NEDD4L: variants seen among roughly 807,000 people sequenced by gnomAD.
The protein encoded by NEDD4L is NEDD4 like E3 ubiquitin protein ligase.
NEDD4L carries 54 observed loss-of-function variants against 148.9 expected under a neutral mutation model. That is an observed-to-expected ratio of 0.36 (90% CI 0.29 to 0.45). The LOEUF (loss-of-function observed/expected upper bound fraction) is 0.45. Ranked by LOEUF, NEDD4L falls within the 20% of genes least tolerant of loss-of-function variation. The pLI, the probability that NEDD4L is intolerant of heterozygous loss-of-function variation, is 1.00. For missense variants in NEDD4L, 856 were observed against 1,233.8 expected (o/e 0.69, Z 4.59); for synonymous variants, 433 against 440.7 (o/e 0.98, Z 0.22).
At chr18:58,335,075 G>C (rs535959180) in intron 12 of NEDD4L, among the ~76,000 whole-genome samples, 1 of 152,120 alleles carries the variant, frequency 6.6e-6, no homozygotes, top group Non-Finnish European at 1.5e-5. Context: ...CTGGAAACTG[G>C]TGATTCCTCC....
At chr18:58,148,653 G>A (rs1042449171) in intron 1 of NEDD4L, among the ~76,000 whole-genome samples, 6 of 152,142 alleles carry the variant, frequency 3.9e-5, no homozygotes, top group African/African-American at 7.2e-5. Context: ...GAAGGATGCC[G>A]GTCATATTGG....
At position 58,374,048 on chromosome 18, in the gene NEDD4L, G is replaced by A. The variant is rs146644899; in HGVS notation, c.2352+779G>A. 3.8e-3 allele frequency among the ~76,000 whole-genome samples: 585 copies of A among 152,216 alleles called. 3 individuals are homozygous for A. The highest frequency in any genetic ancestry group is 8.3e-3 in the South Asian group (40 of 4,822). ...CCCATCCTTCAGACTAAATCTCCAC[G>A]GCTATGAAATTAATTAGACCATAGA... is the stretch of plus-strand genomic sequence containing the variant. On this transcript the variant is annotated intron_variant, in intron 24 of 30. Transcript: ENST00000400345.
chr18:58,314,244 C>T (rs903200291), intron 5 of NEDD4L, among the ~76,000 whole-genome samples: 1 of 152,008 alleles, frequency 6.6e-6, no homozygotes, highest in African/African-American at 2.4e-5. Context: ...TGGTGAAACC[C>T]CATCTCTGCT....
chr18:58,112,710 G>A (rs903068558), intron 1 of NEDD4L, among the ~76,000 whole-genome samples: 1 of 151,846 alleles, frequency 6.6e-6, no homozygotes, highest in African/African-American at 2.4e-5. Context: ...GGCTCATCTC[G>A]AGCTCCTGAG....
At chr18:58,068,508 G>A (rs1264399597) in intron 1 of NEDD4L, among the ~76,000 whole-genome samples, 1 of 152,116 alleles carries the variant, frequency 6.6e-6, no homozygotes, top group Non-Finnish European at 1.5e-5. Context: ...CGAACTCCTA[G>A]AATTCTTAAA....
intron 1 of NEDD4L, among the ~76,000 whole-genome samples, chr18:58,107,867 A>G (rs1376604155): frequency 1.3e-5 from 2 of 152,012 alleles, no homozygotes. Context: ...TACGCATGCC[A>G]CTATGCCCAG....
At chr18:58,262,497 C>A (rs1043079297) in intron 5 of NEDD4L, among the ~76,000 whole-genome samples, 1 of 152,042 alleles carries the variant, frequency 6.6e-6, no homozygotes, top group African/African-American at 2.4e-5. Context: ...GGCGTGGTGG[C>A]CTCTGTCTGT....
rs112604095 is a variant in NEDD4L at position 58,383,169 on chromosome 18, G to A, written c.2353-77G>A. 1.8e-3 allele frequency: 1,432 copies of A among 779,478 alleles called. 17 individuals are homozygous for A. The African/African-American group carries it at 0.023, about 12-fold the overall frequency. The allele number at this position is 779,478 out of a possible 1,614,324, so 48.3% of individuals were successfully genotyped here. A position where few individuals can be genotyped will look rare whatever the true frequency, so the allele number is the denominator to read the frequency against. On this transcript the variant is annotated intron_variant, in intron 24 of 30. Coordinates refer to ENST00000400345, the MANE Select transcript of NEDD4L (RefSeq NM_001144967.3). The stretch of plus-strand genomic sequence containing the variant: ...GAATACATGTTGTCTTCCCTTTATA[G>A]TAAGACATTGTCACTCAATAATAAT...
At chr18:58,252,124 A>C (rs949521336) in intron 5 of NEDD4L, 70 bp downstream of exon 5, 24 of 986,242 alleles carry the variant, frequency 2.4e-5, no homozygotes, top group Admixed American at 8.6e-5. Flanking sequence ...CAGCGTCTTT[A>C]AAACTCTGTG....
intron 2 of NEDD4L, chr18:58,195,422 CG>C: frequency 7.7e-7 from 1 of 1,300,112 alleles, no homozygotes; most frequent in South Asian, 1.2e-5. Flanking sequence ...AATTTGCTCC[CG>C]ATTCGAGAGA....
intron 24 of NEDD4L, among the ~76,000 whole-genome samples, chr18:58,382,595 T>A (rs1402918877): frequency 6.6e-6 from 1 of 152,142 alleles, no homozygotes; most frequent in African/African-American, 2.4e-5. Flanking sequence ...TATGTGGCCT[T>A]ATGGTAAGCT....
At position 58,256,025 on chromosome 18, in the gene NEDD4L, T is replaced by G; in HGVS notation, c.297+3971T>G. On this transcript the variant is annotated intron_variant, in intron 5 of 30. Transcript: ENST00000400345. This position sits in a 1 kb window ranked among gnomAD's most constrained non-coding sequence, Gnocchi z 5.2. Reference sequence around the variant, plus strand: ...AACGCCCGACCCCAGGGACCAGGCCTCCGCCACTGCCACCACGAGGGCCTC... The same window carrying G: ...AACGCCCGACCCCAGGGACCAGGCCGCCGCCACTGCCACCACGAGGGCCTC... 8.1e-7 allele frequency: 1 copy of G among 1,229,894 alleles called. No individual in the cohort carries two copies. The highest frequency in any genetic ancestry group is 1.0e-6 in the Non-Finnish European group (1 of 986,854). 76.2% of individuals were successfully genotyped at this position (1,229,894 alleles called of 1,614,324 possible).
chr18:58,384,261 G>A (rs2048719373), intron 25 of NEDD4L, among the ~76,000 whole-genome samples: 1 of 152,216 alleles, frequency 6.6e-6, no homozygotes, highest in Admixed American at 6.5e-5. Context: ...GAGCGTGTTA[G>A]AGTCTCTACT....
In NEDD4L at chr18:58,256,128, G is replaced by A. The variant is rs1568488468; in HGVS notation, c.297+4074G>A. On this transcript the variant is annotated intron_variant, in intron 5 of 30. Transcript: ENST00000400345. This position sits in a 1 kb window ranked among gnomAD's most constrained non-coding sequence, Gnocchi z 5.2. The stretch of plus-strand genomic sequence containing the variant: ...CCTCCGAGGGCAGCCCGGGACCCAG[G>A]GCTCCAGGTCAACGGCACGTGCGGC... 6.5e-6 allele frequency: 8 copies of A among 1,225,640 alleles called. No individual in the cohort carries two copies. The African/African-American group carries it at 9.4e-5, about 14-fold the overall frequency. 75.9% of individuals were successfully genotyped at this position (1,225,640 alleles called of 1,614,324 possible). A position where few individuals can be genotyped will look rare whatever the true frequency, so the allele number is the denominator to read the frequency against.
intron 13 of NEDD4L, among the ~76,000 whole-genome samples, chr18:58,337,138 G>A (rs539829646): frequency 1.3e-5 from 2 of 152,206 alleles, no homozygotes; most frequent in Admixed American, 6.5e-5. Flanking sequence ...CGGGTGGCAC[G>A]TTAGACTGCC....
rs1253829474 is a variant in NEDD4L at position 58,330,922 on chromosome 18, GT to G, written c.990+9del. The G allele has an allele frequency of 1.9e-6, 3 of 1,611,672 alleles. No individual in the cohort carries two copies. In the African/African-American group the frequency reaches 4.0e-5, roughly 22 times the overall value. On this transcript the variant is annotated intron_variant, in intron 11 of 30. Transcript: ENST00000400345. ...CAGTTCAGCTCTTTGATTGTAAGTA[GT>G]GGCCTTGTTTGAAAGAAAAGCTGAG...
chr18:58,260,182 A>C (rs932792519), intron 5 of NEDD4L, among the ~76,000 whole-genome samples: 1 of 152,224 alleles, frequency 6.6e-6, no homozygotes, highest in African/African-American at 2.4e-5. Context: ...AAAAAATAAA[A>C]ATAAAACTTA....
At chr18:58,335,383 C>G (rs1291202054) in intron 12 of NEDD4L, 95 bp from the exon 13 acceptor site, 1 of 1,004,460 alleles carries the variant, frequency 1.0e-6, no homozygotes, top group Non-Finnish European at 1.6e-6. Context: ...CTCACGTCAC[C>G]TGCCTTACAG....
chr18:58,107,126 A>G (rs141179451), intron 1 of NEDD4L, among the ~76,000 whole-genome samples: 68 of 152,144 alleles, frequency 4.5e-4, no homozygotes, highest in African/African-American at 1.6e-3. Context: ...CTGTGTCCAA[A>G]TTTCCTTTCT....
Sources: gnomAD v4.1 joint callset for allele counts (sites outside exome capture counted in the v4.1 genomes callset) on GRCh38, gnomAD v4.1.1 for gene constraint, Gnocchi (gnomAD v3.1) non-coding constraint, MANE v1.5 for transcripts, NCBI Gene and HGNC (gene_info 2026-07-23, HGNC 2026-07-21) for gene names.